NRXN1: variants seen among roughly 807,000 people sequenced by gnomAD.
NRXN1 encodes the protein neurexin 1.
A neutral mutation model predicts 150.9 loss-of-function variants in NRXN1; 39 were observed. That is an observed-to-expected ratio of 0.26 (90% CI 0.20 to 0.34). The LOEUF is 0.34. NRXN1 is among the 10% of genes least tolerant of loss of function. NRXN1 has a pLI of 1.00. For missense variants in NRXN1, 1,815 were observed against 1,949.9 expected, an observed-to-expected ratio of 0.93 and a Z score of 1.30; for synonymous variants, 924 against 757.0, an observed-to-expected ratio of 1.22 and a Z score of -3.62.
At chr2:50,580,777 T>C (rs551463552) in intron 8 of NRXN1, among the ~76,000 whole-genome samples, 87 of 152,226 alleles carry the variant, frequency 5.7e-4, no homozygotes, top group African/African-American at 2.1e-3. Context: ...TGTCTCCTCA[T>C]AAATCATCTG....
chr2:50,176,928 A>G (rs1011947717), intron 18 of NRXN1, among the ~76,000 whole-genome samples: 1 of 152,158 alleles, frequency 6.6e-6, no homozygotes, highest in African/African-American at 2.4e-5. Flanking sequence ...TAAGAACACC[A>G]CACATAAAAA....
intron 5 of NRXN1, among the ~76,000 whole-genome samples, chr2:50,797,982 A>G (rs955574874): frequency 6.6e-6 from 1 of 152,170 alleles, no homozygotes; most frequent in African/African-American, 2.4e-5. Context: ...ATTTAAATAT[A>G]TATTTGATAT....
At chr2:50,960,396 C>G (rs1692973991) in intron 2 of NRXN1, among the ~76,000 whole-genome samples, 1 of 145,696 alleles carries the variant, frequency 6.9e-6, no homozygotes. Flanking sequence ...GTAGTCCTCT[C>G]TTCTTAGGGT....
chr2:50,970,975 T>A (rs1041153695), intron 2 of NRXN1, among the ~76,000 whole-genome samples: 1 of 152,172 alleles, frequency 6.6e-6, no homozygotes, highest in Non-Finnish European at 1.5e-5. Flanking sequence ...AAAATCACAA[T>A]ATTTTTTAGG....
At chr2:50,764,637 ATATTGT>A (rs1574398114) in intron 5 of NRXN1, among the ~76,000 whole-genome samples, 1 of 151,998 alleles carries the variant, frequency 6.6e-6, no homozygotes, top group East Asian at 1.9e-4. Context: ...TTGCTCAGCC[ATATTGT>A]TAGTAAGTGG....
At chr2:50,308,993 G>A (rs1225329123) in intron 17 of NRXN1, among the ~76,000 whole-genome samples, 3 of 152,190 alleles carry the variant, frequency 2.0e-5, no homozygotes, top group East Asian at 1.9e-4. Context: ...CAGACACGCA[G>A]GAGCTGCCCA....
chr2:50,610,921 T>G (rs1213867573), intron 8 of NRXN1, among the ~76,000 whole-genome samples: 1 of 150,266 alleles, frequency 6.7e-6, no homozygotes, highest in Non-Finnish European at 1.5e-5. Context: ...ATTTTTTGTA[T>G]TTTTAATAGA....
intron 2 of NRXN1, among the ~76,000 whole-genome samples, chr2:51,010,357 T>A (rs1191083448): frequency 2.0e-5 from 3 of 152,064 alleles, no homozygotes; most frequent in Admixed American, 6.6e-5. Flanking sequence ...TTTGCATATA[T>A]GTGTATGTAT....
intron 8 of NRXN1, among the ~76,000 whole-genome samples, chr2:50,564,133 T>G (rs1039948910): frequency 2.0e-5 from 3 of 152,234 alleles, no homozygotes; most frequent in Non-Finnish European, 4.4e-5. Context: ...CTTAACTACT[T>G]TTACTGCCTT....
chr2:51,022,775 A>G (rs1669830901), intron 2 of NRXN1, among the ~76,000 whole-genome samples: 2 of 152,170 alleles, frequency 1.3e-5, no homozygotes, highest in South Asian at 4.1e-4. Flanking sequence ...CCTACAAAAT[A>G]TTTTCCTTTA....
At chr2:50,416,962 G>A (rs774335320) in intron 17 of NRXN1, 1 of 152,038 alleles carries the variant, frequency 6.6e-6, no homozygotes, top group Non-Finnish European at 1.5e-5. Flanking sequence ...TTGCATTAGT[G>A]CAGTAAATGA....
At chr2:49,955,362 A>C (rs1042451154) in intron 21 of NRXN1, among the ~76,000 whole-genome samples, 2 of 152,158 alleles carry the variant, frequency 1.3e-5, no homozygotes, top group Non-Finnish European at 2.9e-5. Flanking sequence ...GTAACAATGA[A>C]ACTTTCTAAC....
intron 5 of NRXN1, among the ~76,000 whole-genome samples, chr2:50,700,395 T>G (rs1217430763): frequency 6.6e-6 from 1 of 152,130 alleles, no homozygotes; most frequent in African/African-American, 2.4e-5. Flanking sequence ...TGGCAATTTT[T>G]CTGGACAAGA....
intron 8 of NRXN1, among the ~76,000 whole-genome samples, chr2:50,592,067 C>A (rs554137804): frequency 2.0e-5 from 3 of 152,302 alleles, no homozygotes; most frequent in Admixed American, 2.0e-4. Context: ...GCTTGGTGAT[C>A]ACCTACTGTG....
At chr2:50,859,425 G>C (rs776721001) in intron 5 of NRXN1, among the ~76,000 whole-genome samples, 6 of 152,018 alleles carry the variant, frequency 3.9e-5, no homozygotes, top group African/African-American at 7.2e-5. Context: ...CTCATAAAAG[G>C]GTTATTTCTA....
At chr2:50,084,386 G>C (rs115729077) in intron 19 of NRXN1, among the ~76,000 whole-genome samples, 4 of 152,256 alleles carry the variant, frequency 2.6e-5, no homozygotes, top group African/African-American at 7.2e-5. Context: ...GTGAGAAATC[G>C]AGCGCAGTGC....
At chr2:50,828,838 A>C (rs1247123707) in intron 5 of NRXN1, among the ~76,000 whole-genome samples, 1 of 152,178 alleles carries the variant, frequency 6.6e-6, no homozygotes, top group East Asian at 1.9e-4. Context: ...GCGGCCAGGC[A>C]GAGGCTGCAC....
intron 22 of NRXN1, among the ~76,000 whole-genome samples, chr2:49,933,966 T>A (rs1465471012): frequency 6.6e-6 from 1 of 152,158 alleles, no homozygotes; most frequent in East Asian, 1.9e-4. Context: ...GTCCTTTGCA[T>A]TGTAGGGCAT....
At chr2:49,968,710 T>C (rs889412159) in intron 21 of NRXN1, among the ~76,000 whole-genome samples, 1 of 152,130 alleles carries the variant, frequency 6.6e-6, no homozygotes, top group African/African-American at 2.4e-5. Context: ...TTGAACCACA[T>C]TAAACTCTCC....
Sources: gnomAD v4.1 joint callset for allele counts (sites outside exome capture counted in the v4.1 genomes callset) on GRCh38, gnomAD v4.1.1 for gene constraint, MANE v1.5 for transcripts, NCBI Gene and HGNC (gene_info 2026-07-23, HGNC 2026-07-21) for gene names.